The following GRIK2 variants were observed in gnomAD, a reference collection of about 807,000 sequenced individuals.
GRIK2 encodes the protein glutamate receptor ionotropic, kainate 2.
Under a neutral mutation model 100.3 loss-of-function variants are expected in GRIK2, and 32 were observed. The observed-to-expected ratio is 0.32, with a 90% CI of 0.24 to 0.43. The LOEUF (loss-of-function observed/expected upper bound fraction) is 0.43. Ranked by LOEUF, GRIK2 falls within the 20% of genes least tolerant of loss-of-function variation. The pLI is 1.00. For missense variants in GRIK2, 843 were observed against 1,114.9 expected (o/e 0.76, Z 3.47); for synonymous variants, 417 against 389.4 (o/e 1.07, Z -0.83).
intron 14 of GRIK2, among the ~76,000 whole-genome samples, chr6:102,010,553 T>C (rs537134606): frequency 4.0e-5 from 6 of 151,816 alleles, no homozygotes; most frequent in Non-Finnish European, 7.4e-5. Flanking sequence ...CCAGCTAATT[T>C]TTTTGTATTT....
At chr6:102,035,792 T>C (rs542138243) in intron 15 of GRIK2, among the ~76,000 whole-genome samples, 18 of 151,460 alleles carry the variant, frequency 1.2e-4, no homozygotes, top group Non-Finnish European at 2.1e-4. Context: ...TCAGTAGATA[T>C]TTTTACTGTA....
intron 4 of GRIK2, among the ~76,000 whole-genome samples, chr6:101,630,474 G>T (rs187956392): frequency 1.2e-4 from 18 of 152,066 alleles, no homozygotes; most frequent in African/African-American, 4.1e-4. Context: ...GATGCTGAAC[G>T]TTTCTTTCAT....
intron 7 of GRIK2, among the ~76,000 whole-genome samples, chr6:101,698,579 A>C (rs1772660709): frequency 1.3e-5 from 2 of 152,122 alleles, no homozygotes; most frequent in South Asian, 4.1e-4. Context: ...TTGAAATGGT[A>C]CCAAATCGAT....
At chr6:101,525,145 TA>T (rs1400285597) in intron 2 of GRIK2, among the ~76,000 whole-genome samples, 6 of 152,232 alleles carry the variant, frequency 3.9e-5, no homozygotes, top group African/African-American at 1.2e-4. Flanking sequence ...TGAAGTGATA[TA>T]GTTTGATATA....
At chr6:101,649,798 C>G (rs538983277) in intron 4 of GRIK2, among the ~76,000 whole-genome samples, 5 of 152,120 alleles carry the variant, frequency 3.3e-5, no homozygotes, top group African/African-American at 1.2e-4. Context: ...AGGGAGAAAG[C>G]CCAGAGTATG....
intron 2 of GRIK2, among the ~76,000 whole-genome samples, chr6:101,422,253 A>G (rs556817514): frequency 1.3e-5 from 2 of 152,234 alleles, no homozygotes; most frequent in Non-Finnish European, 1.5e-5. Flanking sequence ...ACTGAGGGGG[A>G]GTAATTCTAA....
At chr6:101,619,255 G>T (rs936428090) in intron 2 of GRIK2, among the ~76,000 whole-genome samples, 7 of 150,796 alleles carry the variant, frequency 4.6e-5, no homozygotes, top group Non-Finnish European at 1.0e-4. Flanking sequence ...GTCTTAAAAG[G>T]TTGCGTTATC....
At chr6:102,016,392 T>C (rs1318256784) in intron 14 of GRIK2, among the ~76,000 whole-genome samples, 1 of 152,030 alleles carries the variant, frequency 6.6e-6, no homozygotes, top group Non-Finnish European at 1.5e-5. Flanking sequence ...GAGGAAAGAA[T>C]CTCAGAGCTT....
chr6:101,932,515 C>T (rs1457878118), intron 14 of GRIK2, among the ~76,000 whole-genome samples: 2 of 151,798 alleles, frequency 1.3e-5, no homozygotes, highest in Non-Finnish European at 2.9e-5. Flanking sequence ...GGGAAACTCT[C>T]CTGACCCTTT....
intron 14 of GRIK2, among the ~76,000 whole-genome samples, chr6:101,979,061 T>C (rs950234876): frequency 1.1e-4 from 17 of 151,976 alleles, no homozygotes; most frequent in African/African-American, 3.9e-4. Flanking sequence ...TATAAACCGT[T>C]TTTTGCATAG....
chr6:101,911,501 C>T (rs1376803447), intron 12 of GRIK2, among the ~76,000 whole-genome samples: 2 of 151,414 alleles, frequency 1.3e-5, no homozygotes, highest in African/African-American at 4.8e-5. Context: ...TTGGGAGATG[C>T]TGACTTAAAG....
At position 101,503,488 on chromosome 6, in the gene GRIK2, T is replaced by C. The variant is rs1216212088; in HGVS notation, c.115+104096T>C. 7.2e-5 allele frequency among the ~76,000 whole-genome samples: 11 copies of C among 152,256 alleles called. No individual in the cohort carries two copies. In the East Asian group the frequency reaches 2.1e-3, roughly 29 times the overall value. On this transcript the variant is annotated intron_variant, in intron 2 of 16. Transcript: ENST00000369134. ...TTTTGGTAGACATCCCAGCTTCAAG[T>C]GATTAACCGAAAAAAGCAAATCAAT...
At chr6:101,737,832 G>T (rs1248036134) in intron 7 of GRIK2, among the ~76,000 whole-genome samples, 2 of 152,070 alleles carry the variant, frequency 1.3e-5, no homozygotes, top group Non-Finnish European at 2.9e-5. Flanking sequence ...CTGTAGATGT[G>T]AAAGAGAATG....
chr6:101,645,883 C>G lies in GRIK2; in HGVS notation c.541+19246C>G, dbSNP rs1781503224. ...CCTTTCTGCTCTTTACTGACTAACA[C>G]TACAGTTAATAATAAAAATTTATCT... is the stretch of plus-strand genomic sequence containing the variant. On this transcript the variant is annotated intron_variant, in intron 4 of 16. Transcript: ENST00000369134. 4.0e-5 allele frequency among the ~76,000 whole-genome samples: 6 copies of G among 151,832 alleles called. No homozygotes were observed. The South Asian group carries it at 1.2e-3, about 31-fold the overall frequency.
At chr6:102,007,127 C>G (rs1426588143) in intron 14 of GRIK2, among the ~76,000 whole-genome samples, 1 of 151,982 alleles carries the variant, frequency 6.6e-6, no homozygotes, top group South Asian at 2.1e-4. Flanking sequence ...CAGTAATATA[C>G]CAAATTGAAT....
At chr6:102,052,848 G>A (rs1210778593) in intron 15 of GRIK2, among the ~76,000 whole-genome samples, 1 of 152,132 alleles carries the variant, frequency 6.6e-6, no homozygotes, top group Non-Finnish European at 1.5e-5. Flanking sequence ...CACTTTACAG[G>A]GCAGGTGGAT....
intron 7 of GRIK2, among the ~76,000 whole-genome samples, chr6:101,735,598 C>T (rs866931324): frequency 5.3e-5 from 8 of 151,542 alleles, no homozygotes; most frequent in Middle Eastern, 3.2e-3. Context: ...CATCAGACCT[C>T]GTGAGACTTA....
At chr6:102,018,852 T>G (rs9498801) in intron 14 of GRIK2, among the ~76,000 whole-genome samples, 59,284 of 151,906 alleles carry the variant, frequency 0.39, 12,344 homozygotes, top group African/African-American at 0.54. Flanking sequence ...AAAGACCAAT[T>G]AAATCTTAAT....
chr6:101,527,304 T>C (rs1218901718), intron 2 of GRIK2, among the ~76,000 whole-genome samples: 2 of 152,206 alleles, frequency 1.3e-5, no homozygotes, highest in Non-Finnish European at 2.9e-5. Context: ...TGCTGTATCA[T>C]AATCAAATTC....
Sources: allele counts gnomAD v4.1 joint callset (sites outside exome capture counted in the v4.1 genomes callset), GRCh38; gene constraint gnomAD v4.1.1; transcripts MANE v1.5; gene names NCBI Gene and HGNC (gene_info 2026-07-23, HGNC 2026-07-21).